The following GALNT13 variants were observed in gnomAD, a reference collection of about 807,000 sequenced individuals.
The protein encoded by GALNT13 is polypeptide N-acetylgalactosaminyltransferase 13, also known as UDP-GalNAc:polypeptide N-acetylgalactosaminyltransferase 13.
In GALNT13, 28 loss-of-function variants were observed where a neutral mutation model predicts 64.2. That is an observed-to-expected ratio of 0.44 (90% CI 0.32 to 0.60). GALNT13 has a LOEUF of 0.60. Among genes scored for constraint, GALNT13 ranks in the 20% least tolerant of loss-of-function variants. The probability of loss-of-function intolerance (pLI) is 0.05; values close to 1 mark genes in which losing one functional copy is unlikely to be tolerated. For missense variants in GALNT13, 577 were observed against 669.8 expected, an observed-to-expected ratio of 0.86 and a Z score of 1.53; for synonymous variants, 214 against 224.6, an observed-to-expected ratio of 0.95 and a Z score of 0.42.
the GALNT13 span, among the ~76,000 whole-genome samples, chr2:153,538,405 T>C: frequency 7.6e-6 from 1 of 131,474 alleles, no homozygotes. Context: ...TATTTTATTA[T>C]TATACTTTAA....
chr2:154,255,984 T>A (rs1027821802), intron 7 of GALNT13, among the ~76,000 whole-genome samples: 2 of 151,632 alleles, frequency 1.3e-5, no homozygotes, highest in Non-Finnish European at 2.9e-5. Flanking sequence ...GCCTGGGAAG[T>A]CGAGGCTGCA....
At chr2:153,973,151 T>C (rs1693852684) in intron 3 of GALNT13, among the ~76,000 whole-genome samples, 1 of 151,444 alleles carries the variant, frequency 6.6e-6, no homozygotes, top group Non-Finnish European at 1.5e-5. Flanking sequence ...ATGAGGAAAG[T>C]ACATCAATTA....
At chr2:154,412,174 G>A (rs1033678655) in intron 11 of GALNT13, among the ~76,000 whole-genome samples, 12 of 151,680 alleles carry the variant, frequency 7.9e-5, no homozygotes, top group African/African-American at 2.9e-4. Flanking sequence ...AACCTCTCCT[G>A]TAACTCTAAC....
the GALNT13 span, among the ~76,000 whole-genome samples, chr2:153,224,128 A>G: frequency 2.6e-5 from 4 of 152,242 alleles, no homozygotes; most frequent in Admixed American, 2.0e-4. Flanking sequence ...AATTTAAGCC[A>G]AAAGTAATCA....
chr2:153,326,015 G>C, the GALNT13 span, among the ~76,000 whole-genome samples: 2 of 152,120 alleles, frequency 1.3e-5, no homozygotes, highest in African/African-American at 4.8e-5. Context: ...TATTAGGTTG[G>C]GTTGGTGCGG....
At chr2:153,402,148 G>T in the GALNT13 span, among the ~76,000 whole-genome samples, 1 of 142,214 alleles carries the variant, frequency 7.0e-6, no homozygotes, top group Non-Finnish European at 1.5e-5. Context: ...CTCAGCAATT[G>T]CTTGTCTGTA....
At chr2:153,905,567 G>T (rs1427423053) in intron 2 of GALNT13, among the ~76,000 whole-genome samples, 4 of 151,928 alleles carry the variant, frequency 2.6e-5, no homozygotes, top group Non-Finnish European at 5.9e-5. Context: ...GATGATGTGA[G>T]ATAATACAAT....
intron 3 of GALNT13, among the ~76,000 whole-genome samples, chr2:154,068,737 C>T (rs1370940269): frequency 2.0e-5 from 3 of 151,796 alleles, no homozygotes; most frequent in African/African-American, 7.3e-5. Context: ...GGTAGTGGGG[C>T]TGGTGGGAAG....
At chr2:153,478,062 G>T in the GALNT13 span, 1 of 612,350 alleles carries the variant, frequency 1.6e-6, no homozygotes, top group Non-Finnish European at 2.9e-6. Flanking sequence ...TGCCAGGCAT[G>T]AGGACTTTCA....
the GALNT13 span, among the ~76,000 whole-genome samples, chr2:153,432,047 A>T: frequency 1.3e-5 from 2 of 152,102 alleles, no homozygotes; most frequent in South Asian, 2.1e-4. Context: ...TAAATAATTA[A>T]TTTTTTTGTT....
intron 4 of GALNT13, among the ~76,000 whole-genome samples, chr2:154,184,286 C>T (rs919272352): frequency 6.6e-6 from 1 of 151,968 alleles, no homozygotes; most frequent in African/African-American, 2.4e-5. Flanking sequence ...TTGCTTTCAA[C>T]CTTTGTGTGT....
the GALNT13 span, among the ~76,000 whole-genome samples, chr2:153,228,246 T>C: frequency 1.3e-5 from 2 of 152,150 alleles, no homozygotes; most frequent in South Asian, 4.1e-4. Flanking sequence ...AGGGTTGTAG[T>C]TCCATGACTC....
chr2:154,324,192 C>G (rs1253984642), intron 9 of GALNT13, among the ~76,000 whole-genome samples: 2 of 150,466 alleles, frequency 1.3e-5, no homozygotes, highest in Non-Finnish European at 3.0e-5. Context: ...TTTTTTTTGT[C>G]TTTTGGTTTA....
At chr2:153,642,418 A>G in the GALNT13 span, among the ~76,000 whole-genome samples, 1 of 151,926 alleles carries the variant, frequency 6.6e-6, no homozygotes, top group Non-Finnish European at 1.5e-5. Context: ...AAAATAGAGC[A>G]GACAAATACT....
At chr2:153,466,044 CA>C in the GALNT13 span, among the ~76,000 whole-genome samples, 2 of 151,978 alleles carry the variant, frequency 1.3e-5, no homozygotes, top group African/African-American at 2.4e-5. Context: ...AGAATTAAAA[CA>C]AAAATCACAG....
intron 1 of GALNT13, among the ~76,000 whole-genome samples, chr2:153,900,572 C>T (rs1281044700): frequency 2.6e-5 from 4 of 152,122 alleles, no homozygotes; most frequent in Non-Finnish European, 5.9e-5. Context: ...TTTGAATAAT[C>T]ACCTCAACTC....
chr2:153,422,142 CTGAA>C, the GALNT13 span, among the ~76,000 whole-genome samples: 1 of 152,124 alleles, frequency 6.6e-6, no homozygotes, highest in East Asian at 1.9e-4. Context: ...ATATTTCTAT[CTGAA>C]TGATAATGCA....
the GALNT13 span, among the ~76,000 whole-genome samples, chr2:153,816,123 C>T: frequency 2.0e-5 from 3 of 152,116 alleles, no homozygotes; most frequent in Admixed American, 6.5e-5. Flanking sequence ...CTGTGATTGT[C>T]GTTATAAGTT....
At chr2:153,949,462 G>T (rs1692009666) in intron 3 of GALNT13, among the ~76,000 whole-genome samples, 2 of 151,386 alleles carry the variant, frequency 1.3e-5, no homozygotes, top group Admixed American at 6.6e-5. Flanking sequence ...GATTGCTTGA[G>T]TTCAGGAGTT....
Sources: allele counts gnomAD v4.1 joint callset (sites outside exome capture counted in the v4.1 genomes callset), GRCh38; gene constraint gnomAD v4.1.1; transcripts MANE v1.5; gene names NCBI Gene and HGNC (gene_info 2026-07-23, HGNC 2026-07-21).